Variants in ATP6V1C1 observed in about 807,000 individuals in gnomAD.
ATP6V1C1 encodes V-type proton ATPase subunit C 1.
Under a neutral mutation model 53.9 loss-of-function variants are expected in ATP6V1C1, and 45 were observed. The ratio of observed to expected loss-of-function variants is 0.83; its 90% CI spans 0.66 to 1.07. The LOEUF (loss-of-function observed/expected upper bound fraction) is 1.07. ATP6V1C1 is among the 50% of genes least tolerant of loss of function. The pLI, the probability that ATP6V1C1 is intolerant of heterozygous loss-of-function variation, is 0.00. For synonymous variants in ATP6V1C1, 153 were observed against 155.2 expected (o/e 0.99, Z 0.11); for missense variants, 315 against 440.3 (o/e 0.72, Z 2.55).
At chr8:103,057,092 G>T (rs571116768) in intron 8 of ATP6V1C1, among the ~76,000 whole-genome samples, 1 of 152,186 alleles carries the variant, frequency 6.6e-6, no homozygotes, top group Non-Finnish European at 1.5e-5. Flanking sequence ...ACAAAAGAAC[G>T]AAAGCAGGGA....
chr8:103,029,662 A>G (rs1306463321), intron 1 of ATP6V1C1, among the ~76,000 whole-genome samples: 1 of 152,248 alleles, frequency 6.6e-6, no homozygotes, highest in Non-Finnish European at 1.5e-5. Flanking sequence ...TAGTATATCT[A>G]AGATATATTT....
At chr8:103,040,038 A>G (rs997473120) in intron 1 of ATP6V1C1, among the ~76,000 whole-genome samples, 1 of 152,208 alleles carries the variant, frequency 6.6e-6, no homozygotes. Context: ...TGCTAAGCCA[A>G]TGTGACAAAT....
intron 4 of ATP6V1C1, among the ~76,000 whole-genome samples, chr8:103,050,824 G>A (rs1817186946): frequency 6.6e-6 from 1 of 152,088 alleles, no homozygotes; most frequent in Admixed American, 6.5e-5. Flanking sequence ...ATTAGAAGGA[G>A]CATCTTAATA....
chr8:103,069,257 G>C lies in ATP6V1C1; in HGVS notation c.*510G>C, dbSNP rs1586332191. ...ATGAGCACTGTCAACACCCACAGGA[G>C]AGAATAAAATTACCTGTGCAAAGGT... On this transcript the variant is annotated 3_prime_UTR_variant, in exon 13 of 13. Coordinates refer to ENST00000518738, the MANE Select transcript of ATP6V1C1 (RefSeq NM_001695.5). The C allele has an allele frequency of 6.6e-6, 1 of 152,360 alleles. No homozygotes were observed. The highest frequency in any genetic ancestry group is 2.1e-4 in the South Asian group (1 of 4,822). The allele number at this position is 152,360 out of a possible 1,614,324, so 9.4% of individuals were successfully genotyped here.
intron 8 of ATP6V1C1, among the ~76,000 whole-genome samples, chr8:103,058,163 C>G (rs1323019632): frequency 1.3e-5 from 2 of 152,194 alleles, no homozygotes; most frequent in Admixed American, 1.3e-4. Context: ...GATCTTTGGA[C>G]AGTCACTTTA....
chr8:103,059,090 A>G (rs1032853375), intron 8 of ATP6V1C1, among the ~76,000 whole-genome samples: 46 of 151,878 alleles, frequency 3.0e-4, no homozygotes, highest in African/African-American at 9.4e-4. Context: ...TCACAAACTC[A>G]TGGATGCTTC....
chr8:103,047,430 G>GCGCGCACACA (rs1491170438), intron 3 of ATP6V1C1, among the ~76,000 whole-genome samples: 2 of 104,948 alleles, frequency 1.9e-5, no homozygotes, highest in African/African-American at 6.9e-5. Flanking sequence ...AAATGCGCGC[G>GCGCGCACACA]CACACACACA....
At chr8:103,056,185 T>C (rs753880205) in intron 8 of ATP6V1C1, among the ~76,000 whole-genome samples, 3 of 152,190 alleles carry the variant, frequency 2.0e-5, no homozygotes, top group Non-Finnish European at 4.4e-5. Context: ...GGATCACACA[T>C]CTCATTTGTG....
intron 2 of ATP6V1C1, 106 bp from the exon 3 acceptor site, chr8:103,042,234 A>C: frequency 9.2e-7 from 1 of 1,091,088 alleles, no homozygotes; most frequent in Admixed American, 2.0e-5. Flanking sequence ...ATGAAATAAA[A>C]TAGGGAGAAT....
At chr8:103,057,334 C>A (rs1462230212) in intron 8 of ATP6V1C1, among the ~76,000 whole-genome samples, 1 of 152,164 alleles carries the variant, frequency 6.6e-6, no homozygotes, top group Non-Finnish European at 1.5e-5. Context: ...CACTCCTGTG[C>A]AAATATCTGA....
chr8:103,033,962 A>G (rs1816845270), intron 1 of ATP6V1C1, among the ~76,000 whole-genome samples: 1 of 152,318 alleles, frequency 6.6e-6, no homozygotes, highest in African/African-American at 2.4e-5. Flanking sequence ...GGAAGAGATG[A>G]TAAGTTTGAC....
chr8:103,040,908 G>A lies in ATP6V1C1; in HGVS notation c.72G>A (p.Ala24=), dbSNP rs893174805. The A allele has an allele frequency of 2.7e-5, 43 of 1,613,870 alleles. No individual in the cohort carries two copies. Among genetic ancestry groups the A allele is most frequent in the Admixed American group, 3.3e-5 (2 of 59,994 alleles). Reference sequence around the variant, plus strand: ...AGCAAACATGGGAGAAATTGCATGCGGCAACTTCAAAGAACAATAATCTTG... The same window carrying A: ...AGCAAACATGGGAGAAATTGCATGCAGCAACTTCAAAGAACAATAATCTTG... ...TCQQTWEKLH[A]ATSKNNNLAV... The change falls in exon 2 of 13, where the codon GCG becomes GCA. Residue 24 remains alanine, a synonymous_variant. Coordinates refer to ENST00000518738, the MANE Select transcript of ATP6V1C1 (RefSeq NM_001695.5).
chr8:103,063,769 C>T (rs1817443308), intron 10 of ATP6V1C1, among the ~76,000 whole-genome samples: 1 of 152,084 alleles, frequency 6.6e-6, no homozygotes, highest in Admixed American at 6.5e-5. Context: ...ACTTTCTTGC[C>T]ATCTTCAAGT....
chr8:103,023,328 A>G (rs1816632400), intron 1 of ATP6V1C1, among the ~76,000 whole-genome samples: 1 of 150,938 alleles, frequency 6.6e-6, no homozygotes, highest in Admixed American at 6.6e-5. Context: ...GAGGGTGGCA[A>G]AAGTGAATGA....
chr8:103,058,937 A>C (rs183508327), intron 8 of ATP6V1C1, among the ~76,000 whole-genome samples: 254 of 151,068 alleles, frequency 1.7e-3, no homozygotes, highest in African/African-American at 6.0e-3. Context: ...AACACTGTTC[A>C]GAAAGAGGTG....
chr8:103,024,482 G>A (rs1180029474), intron 1 of ATP6V1C1, among the ~76,000 whole-genome samples: 12 of 152,166 alleles, frequency 7.9e-5, no homozygotes, highest in Admixed American at 2.0e-4. Context: ...TAGTTTACCC[G>A]TCCCTAAGCA....
At position 103,057,428 on chromosome 8, in the gene ATP6V1C1, T is replaced by A. The variant is rs186799531; in HGVS notation, c.641+1492T>A. 2.2e-3 allele frequency among the ~76,000 whole-genome samples: 336 copies of A among 152,320 alleles called. 2 individuals are homozygous for A. Among genetic ancestry groups the A allele is most frequent in the Admixed American group, 6.7e-3 (102 of 15,306 alleles). On this transcript the variant is annotated intron_variant, in intron 8 of 12. Transcript: ENST00000518738. ...TGCGAATGAAGACTCGGCCTCCCAA[T>A]CAGTCTGATTTGTTGCAGACAGCCA...
chr8:103,056,840 G>A (rs947699636), intron 8 of ATP6V1C1, among the ~76,000 whole-genome samples: 1 of 152,180 alleles, frequency 6.6e-6, no homozygotes, highest in African/African-American at 2.4e-5. Context: ...GAATTAGTAA[G>A]GTCAGGCCCA....
At chr8:103,061,882 C>T (rs1817405011) in intron 8 of ATP6V1C1, among the ~76,000 whole-genome samples, 1 of 152,202 alleles carries the variant, frequency 6.6e-6, no homozygotes, top group Non-Finnish European at 1.5e-5. Flanking sequence ...ACAGGAGGCA[C>T]TATAGGTAAA....
Sources: gnomAD v4.1 joint callset for allele counts (sites outside exome capture counted in the v4.1 genomes callset) on GRCh38, gnomAD v4.1.1 for gene constraint, MANE v1.5 for transcripts, NCBI Gene and HGNC (gene_info 2026-07-23, HGNC 2026-07-21) for gene names.